The following AMN variants were observed in gnomAD, a reference collection of about 807,000 sequenced individuals.
AMN encodes protein amnionless.
Under a neutral mutation model 49.1 loss-of-function variants are expected in AMN, and 40 were observed. That is an observed-to-expected ratio of 0.81 (90% confidence interval 0.63 to 1.06). The LOEUF is 1.06. Ranked by LOEUF, AMN falls within the 50% of genes least tolerant of loss-of-function variation. AMN has a pLI of 0.00. For synonymous variants in AMN, 380 were observed against 313.3 expected (o/e 1.21, Z -2.25); for missense variants, 701 against 662.8 (o/e 1.06, Z -0.63).
chr14:102,930,523 T>A (rs1420274411), intron 11 of AMN, 30 bp downstream of exon 11: 12 of 1,541,834 alleles, frequency 7.8e-6, no homozygotes, highest in Non-Finnish European at 9.6e-6. Flanking sequence ...GACCGGGGCC[T>A]CCTCGGGGCC....
chr14:102,924,370 G>A lies in AMN; in HGVS notation c.207+391G>A, dbSNP rs116777532. 5.7e-3 allele frequency among the ~76,000 whole-genome samples: 864 copies of A among 152,214 alleles called. 7 individuals are homozygous for A. The highest frequency in any genetic ancestry group is 0.019 in the African/African-American group (781 of 41,526). On this transcript the variant is annotated intron_variant, in intron 3 of 11. Transcript: ENST00000299155. ...ACACCCCCCCCTCTACCCACCATCC[G>A]GGTCCCTGGCCTGTTAGGAAGTGGC...
In AMN at chr14:102,926,206, GAGAA is replaced by G. The variant is rs1350189409; in HGVS notation, c.208-2219_208-2216del. Among the ~76,000 whole-genome samples the G allele has an allele frequency of 4.6e-5, 7 of 152,310 alleles. No individual in the cohort carries two copies. In the South Asian group the frequency reaches 1.2e-3, roughly 27 times the overall value. ...GAACTGTGTTTTTTCTGTTTCGTTT[GAGAA>G]TCGCGTCTGCTCCTCAGTCACAATG... is the stretch of plus-strand genomic sequence containing the variant. On this transcript the variant is annotated intron_variant, in intron 3 of 11. Transcript: ENST00000299155.
At chr14:102,929,620 G>A (rs1389885260) in intron 7 of AMN, 35 bp from the exon 8 acceptor site, 3 of 1,548,134 alleles carry the variant, frequency 1.9e-6, no homozygotes, top group South Asian at 1.2e-5. Context: ...GCCGGGCCCG[G>A]ATCCACGGCG....
rs1566825550 is a variant in AMN, at chr14:102,923,794, T to G, written c.127T>G (p.Cys43Gly). Residue 43 changes from cysteine to glycine, a missense_variant, in exon 2 of 12, where the codon TGC becomes GGC. By Grantham distance (159) the Cys-to-Gly change is radical. Coordinates refer to ENST00000299155, the MANE Select transcript of AMN (RefSeq NM_030943.4). Reference protein sequence around the residue: ...AANWSQNRTPCAGGAVEFPAD... With the variant: ...AANWSQNRTPGAGGAVEFPAD... ...CAACTGGAGCCAGAACCGGACCCCGTGCGCCGGCGGCGCCGTTGAGTTCCC... is the reference window on the plus strand; with the variant it reads ...CAACTGGAGCCAGAACCGGACCCCGGGCGCCGGCGGCGCCGTTGAGTTCCC... 3 of 1,612,654 alleles carry G rather than the reference T, an allele frequency of 1.9e-6. No homozygotes were observed. The highest frequency in any genetic ancestry group is 2.5e-6 in the Non-Finnish European group (3 of 1,179,834).
At chr14:102,929,076 GTC>G (rs1360643492) in intron 5 of AMN, 43 bp from the exon 6 acceptor site, 22 of 1,597,372 alleles carry the variant, frequency 1.4e-5, no homozygotes, top group Non-Finnish European at 1.9e-5. Flanking sequence ...CTCAGGTGAA[GTC>G]TCTTCCTCGG....
chr14:102,922,754 CG>C, intron 1 of AMN, 23 bp downstream of exon 1: 2 of 1,569,406 alleles, frequency 1.3e-6, no homozygotes, highest in South Asian at 1.2e-5. Context: ...CACACCGGTG[CG>C]GGCCCGGACG....
Position 102,923,564 on chromosome 14 carries a change from G to A in AMN, c.44-147G>A, listed in dbSNP as rs1293567834. The A allele has an allele frequency of 1.4e-5, 11 of 774,714 alleles. No individual in the cohort carries two copies. The Admixed American group carries it at 1.7e-4, about 12-fold the overall frequency. The allele number at this position is 774,714 out of a possible 1,614,324, so 48.0% of individuals were successfully genotyped here. On this transcript the variant is annotated intron_variant, in intron 1 of 11. Transcript: ENST00000299155. ...CCCACAGTCTGGCCGGGAGGGACCA[G>A]GGTCTGGGTCCGGGCCCCCGGGGAT...
chr14:102,925,516 G>A (rs903171288), intron 3 of AMN, among the ~76,000 whole-genome samples: 3 of 152,124 alleles, frequency 2.0e-5, no homozygotes, highest in African/African-American at 4.8e-5. Flanking sequence ...CAGAACCCAC[G>A]CATAACCTTG....
chr14:102,923,634 T>C, intron 1 of AMN, 77 bp from the exon 2 acceptor site: 1 of 1,341,080 alleles, frequency 7.5e-7, no homozygotes, highest in Non-Finnish European at 1.1e-6. Context: ...CCTTCCGCAC[T>C]TCTCTGGGTG....
chr14:102,923,853 C>T (rs1566825637), intron 2 of AMN, 24 bp downstream of exon 2: 1 of 1,612,578 alleles, frequency 6.2e-7, no homozygotes, highest in Non-Finnish European at 8.5e-7. Flanking sequence ...CCGGCGGGGT[C>T]GGTGATGGGC....
chr14:102,924,260 G>A (rs75944538), intron 3 of AMN, among the ~76,000 whole-genome samples: 3,469 of 152,236 alleles, frequency 0.023, 120 homozygotes, highest in African/African-American at 0.079. Flanking sequence ...CCCAGGAAGC[G>A]CCTGCTCCAT....
chr14:102,926,761 G>T (rs948578712), intron 3 of AMN, among the ~76,000 whole-genome samples: 7 of 152,062 alleles, frequency 4.6e-5, no homozygotes, highest in African/African-American at 1.7e-4. Context: ...ACAGCCTTAT[G>T]CTGTCAAGCC....
intron 7 of AMN, 55 bp downstream of exon 7, chr14:102,929,591 TCC>T: frequency 6.5e-7 from 1 of 1,545,892 alleles, no homozygotes; most frequent in Admixed American, 2.0e-5. Flanking sequence ...ACCAGGTTCG[TCC>T]CCCGCCTCAG....
Position 102,930,096 on chromosome 14 carries a change from C to A in AMN, c.1006+10C>A, listed in dbSNP as rs1294529401. The A allele has an allele frequency of 6.6e-7, 1 of 1,514,744 alleles. No homozygotes were observed. The allele number at this position is 1,514,744 out of a possible 1,614,324, so 93.8% of individuals were successfully genotyped here. On this transcript the variant is annotated intron_variant, in intron 9 of 11. Transcript: ENST00000299155. ...GACGTCGCCGAGAACGGTAACCGCG[C>A]CCGCCCCATCCCGCCCCGCCGCGCC...
chr14:102,925,096 G>C (rs537293629), intron 3 of AMN, among the ~76,000 whole-genome samples: 1 of 152,308 alleles, frequency 6.6e-6, no homozygotes, highest in Admixed American at 6.5e-5. Context: ...AAGCCTCTGG[G>C]CAAAAGCTTC....
chr14:102,930,763 C>T lies in AMN; in HGVS notation c.*83C>T. 1 of 1,406,934 alleles carries T rather than the reference C, an allele frequency of 7.1e-7. No individual in the cohort carries two copies. The highest frequency in any genetic ancestry group is 9.7e-7 in the Non-Finnish European group (1 of 1,026,754). The allele number at this position is 1,406,934 out of a possible 1,614,324, so 87.2% of individuals were successfully genotyped here. ...GGGGGCTAGCCACCTCCTCGTCCAG[C>T]CCCCAAACCTCCCCTTCCTTTCCCC... On this transcript the variant is annotated 3_prime_UTR_variant, in exon 12 of 12. Coordinates refer to ENST00000299155, the MANE Select transcript of AMN (RefSeq NM_030943.4).
Position 102,922,801 on chromosome 14 carries a change from C to A in AMN, c.43+70C>A. ...GTCAGGACCCAGGGCCGAGGTCGCT[C>A]TAGGCCTGGAGGGTGAAGATCTTCC... On this transcript the variant is annotated intron_variant, in intron 1 of 11. Coordinates refer to ENST00000299155, the MANE Select transcript of AMN (RefSeq NM_030943.4). 3 of 1,530,240 alleles carry A rather than the reference C, an allele frequency of 2.0e-6. No homozygotes were observed. The South Asian group carries it at 3.6e-5, about 18-fold the overall frequency. The allele number at this position is 1,530,240 out of a possible 1,614,324, so 94.8% of individuals were successfully genotyped here.
At chr14:102,924,844 A>G (rs1437314784) in intron 3 of AMN, among the ~76,000 whole-genome samples, 2 of 152,220 alleles carry the variant, frequency 1.3e-5, no homozygotes, top group Admixed American at 6.5e-5. Flanking sequence ...TCCGCAAGCT[A>G]CAGGCCAAAT....
At chr14:102,928,711 T>G in intron 4 of AMN, 47 bp from the exon 5 acceptor site, 1 of 1,579,810 alleles carries the variant, frequency 6.3e-7, no homozygotes. Context: ...TGGCGTGGTG[T>G]GGCGCGGCGC....
Sources: gnomAD v4.1 joint callset for allele counts (sites outside exome capture counted in the v4.1 genomes callset) on GRCh38, gnomAD v4.1.1 for gene constraint, MANE v1.5 for transcripts, NCBI Gene and HGNC (gene_info 2026-07-23, HGNC 2026-07-21) for gene names.